Variants in MLPH observed in about 807,000 individuals in gnomAD.
The protein encoded by MLPH is melanophilin, also known as exophilin-3.
A neutral mutation model predicts 72.1 loss-of-function variants in MLPH; 51 were observed. The observed-to-expected ratio is 0.71, with a 90% CI of 0.56 to 0.89. The LOEUF is 0.89. Among genes scored for constraint, MLPH ranks in the 40% least tolerant of loss-of-function variants. MLPH has a pLI of 0.00. For missense variants in MLPH, 743 were observed against 759.9 expected (o/e 0.98, Z 0.26); for synonymous variants, 301 against 310.1 (o/e 0.97, Z 0.31).
intron 4 of MLPH, among the ~76,000 whole-genome samples, chr2:237,516,780 A>C (rs950916751): frequency 6.3e-5 from 9 of 142,660 alleles, no homozygotes; most frequent in Non-Finnish European, 1.1e-4. Flanking sequence ...GGGAGAGATG[A>C]ATGGATGGAT....
At chr2:237,495,617 G>T (rs1025034804) in intron 2 of MLPH, among the ~76,000 whole-genome samples, 2 of 152,198 alleles carry the variant, frequency 1.3e-5, no homozygotes, top group Non-Finnish European at 2.9e-5. Context: ...GGAGCAGGAG[G>T]CGCTCGTGTT....
chr2:237,511,205 CAT>C, intron 4 of MLPH, 104 bp downstream of exon 4: 2 of 855,186 alleles, frequency 2.3e-6, no homozygotes, highest in Non-Finnish European at 4.0e-6. Context: ...TGTGTGTGTG[CAT>C]GTGTGTGTGC....
At position 237,512,697 on chromosome 2, in the gene MLPH, C is replaced by A. The variant is rs141047377; in HGVS notation, c.445+1596C>A. Among the ~76,000 whole-genome samples the A allele has an allele frequency of 8.1e-3, 1,232 of 152,206 alleles. 16 individuals carry two copies. Among genetic ancestry groups the A allele is most frequent in the African/African-American group, 0.028 (1,161 of 41,508 alleles). On this transcript the variant is annotated intron_variant, in intron 4 of 15. Transcript: ENST00000264605. The surrounding 1 kb of genome is among the most constrained non-coding windows in gnomAD (Gnocchi z 5.5). The stretch of plus-strand genomic sequence containing the variant: ...AGTGGAGCTTGGTCCAGCCTCCAGT[C>A]CACCCCTAACAGGCTTAAGGATAGA...
At chr2:237,518,458 A>G (rs1295896183) in intron 4 of MLPH, 81 bp from the exon 5 acceptor site, 8 of 1,135,040 alleles carry the variant, frequency 7.0e-6, no homozygotes, top group Non-Finnish European at 9.1e-6. Flanking sequence ...AGATTAGTGG[A>G]TGGATGGGTG....
rs1476244973 is a variant in MLPH at position 237,510,580 on chromosome 2, G to A, written c.117G>A (p.Leu39=). 1.2e-6 allele frequency: 2 copies of A among 1,613,240 alleles called. No homozygotes were observed. The highest frequency in any genetic ancestry group is 1.7e-6 in the Non-Finnish European group (2 of 1,180,032). ...TTTCTGATATTTTCCCAAGGGCGTTGAAGGGCAAGATTAAGAAGGAAAGCT... is the reference window on the plus strand; with the variant it reads ...TTTCTGATATTTTCCCAAGGGCGTTAAAGGGCAAGATTAAGAAGGAAAGCT... ...RRKEEERLEA[L]KGKIKKESSK... is the part of the protein sequence containing the mutation. The change falls in exon 3 of 16, where the codon TTG becomes TTA. Residue 39 remains leucine, a synonymous_variant. Coordinates refer to ENST00000264605, the MANE Select transcript of MLPH (RefSeq NM_024101.7). The surrounding 1 kb of genome is among the most constrained non-coding windows in gnomAD (Gnocchi z 4.4).
Position 237,510,754 on chromosome 2 carries a change from G to A in MLPH, c.291G>A (p.Pro97=), listed in dbSNP as rs148503864. Reference sequence around the variant, plus strand: ...GCAAAAGCTGTGGCCGCGTCCACCCGGAGGAGCAGGGCTGGATCTGTGACC... The same window carrying A: ...GCAAAAGCTGTGGCCGCGTCCACCCAGAGGAGCAGGGCTGGATCTGTGACC... ...FTCKSCGRVH[P]EEQGWICDPC... Residue 97 remains proline (P), a synonymous_variant, in exon 3 of 16, where the codon CCG becomes CCA. Coordinates refer to ENST00000264605, the MANE Select transcript of MLPH (RefSeq NM_024101.7). The surrounding 1 kb of genome is among the most constrained non-coding windows in gnomAD (Gnocchi z 4.4). 7.6e-5 allele frequency: 122 copies of A among 1,613,646 alleles called. No homozygotes were observed. Among genetic ancestry groups the A allele is most frequent in the Middle Eastern group, 6.7e-4 (4 of 6,014 alleles).
chr2:237,546,166 T>C (rs191891707), intron 12 of MLPH, among the ~76,000 whole-genome samples: 1 of 152,318 alleles, frequency 6.6e-6, no homozygotes, highest in East Asian at 1.9e-4. Context: ...GAGTTCTTGA[T>C]CAGCCTTCCA....
At chr2:237,503,374 C>CTTTTTTA (rs1422230403) in intron 2 of MLPH, among the ~76,000 whole-genome samples, 7 of 152,144 alleles carry the variant, frequency 4.6e-5, no homozygotes, top group African/African-American at 1.4e-4. Context: ...TCCTCTTCAT[C>CTTTTTTA]TTTTTTATCG....
At chr2:237,490,392 C>T (rs558674664) in intron 1 of MLPH, among the ~76,000 whole-genome samples, 2 of 152,266 alleles carry the variant, frequency 1.3e-5, no homozygotes, top group African/African-American at 4.8e-5. Context: ...GATATCCAAG[C>T]AGCCTCTAGG....
In MLPH at chr2:237,542,155, G is replaced by A. The variant is rs547561905; in HGVS notation, c.1447-412G>A. Among the ~76,000 whole-genome samples, 7 of 152,258 alleles carry A rather than the reference G, an allele frequency of 4.6e-5. No individual in the cohort carries two copies. In the South Asian group the frequency reaches 1.5e-3, roughly 32 times the overall value. On this transcript the variant is annotated intron_variant, in intron 11 of 15. Transcript: ENST00000264605. ...GAAGCTGCCCCCAGCTGCTGTGGGA[G>A]GAGGGGCCTAAGACGGGAGGGGTGG...
chr2:237,542,101 G>C (rs750093199), intron 11 of MLPH, among the ~76,000 whole-genome samples: 1 of 152,184 alleles, frequency 6.6e-6, no homozygotes, highest in Non-Finnish European at 1.5e-5. Flanking sequence ...ATCTGAGTAG[G>C]GGGTGATGGG....
chr2:237,542,367 C>A (rs917950476), intron 11 of MLPH, among the ~76,000 whole-genome samples, 200 bp from the exon 12 acceptor site: 30 of 152,290 alleles, frequency 2.0e-4, no homozygotes, highest in Admixed American at 5.2e-4. Flanking sequence ...GAACACCCCC[C>A]CCTTCTCAAC....
At chr2:237,490,073 C>T (rs1030307869) in intron 1 of MLPH, among the ~76,000 whole-genome samples, 7 of 152,244 alleles carry the variant, frequency 4.6e-5, no homozygotes, top group African/African-American at 1.7e-4. Context: ...TGTTCAGGAA[C>T]CTCGTGAGCA....
At chr2:237,542,220 G>T (rs1287674056) in intron 11 of MLPH, among the ~76,000 whole-genome samples, 2 of 152,064 alleles carry the variant, frequency 1.3e-5, no homozygotes, top group African/African-American at 4.8e-5. Context: ...GGGAGTGGCC[G>T]ACTGCTAGGT....
chr2:237,544,417 C>G (rs145680124), intron 12 of MLPH, among the ~76,000 whole-genome samples: 60 of 20,944 alleles, frequency 2.9e-3, no homozygotes, highest in African/African-American at 0.01. Context: ...AGTGGTGAGT[C>G]GGGGGACAGT....
chr2:237,503,259 C>T (rs948793804), intron 2 of MLPH, among the ~76,000 whole-genome samples: 15 of 152,306 alleles, frequency 9.8e-5, no homozygotes, highest in Middle Eastern at 3.4e-3. Flanking sequence ...ACAGGGACTC[C>T]GCTGCCAAGG....
At chr2:237,542,012 AC>A (rs898236530) in intron 11 of MLPH, among the ~76,000 whole-genome samples, 2 of 151,954 alleles carry the variant, frequency 1.3e-5, no homozygotes, top group African/African-American at 4.8e-5. Context: ...TAGCCGTGAA[AC>A]CCCCACACCA....
intron 12 of MLPH, chr2:237,545,742 A>G (rs2080904946): frequency 2.0e-6 from 2 of 1,004,138 alleles, no homozygotes; most frequent in South Asian, 3.4e-5. Flanking sequence ...AGATGACCTT[A>G]GGAGAGTCCC....
intron 4 of MLPH, among the ~76,000 whole-genome samples, chr2:237,516,855 GATA>G (rs1176716925): frequency 4.6e-5 from 6 of 131,108 alleles, no homozygotes; most frequent in Non-Finnish European, 9.9e-5. Flanking sequence ...ATGGATGGAT[GATA>G]GGATGGATGG....
Sources: gnomAD v4.1 joint callset for allele counts (sites outside exome capture counted in the v4.1 genomes callset) on GRCh38, gnomAD v4.1.1 for gene constraint, Gnocchi (gnomAD v3.1) non-coding constraint, MANE v1.5 for transcripts, NCBI Gene and HGNC (gene_info 2026-07-23, HGNC 2026-07-21) for gene names.